Variants in EZH2 observed in about 807,000 individuals in gnomAD.
The protein encoded by EZH2 is histone-lysine N-methyltransferase EZH2.
A neutral mutation model predicts 98.4 loss-of-function variants in EZH2; 18 were observed. The ratio of observed to expected loss-of-function variants is 0.18; its 90% CI spans 0.13 to 0.27. The LOEUF (loss-of-function observed/expected upper bound fraction) is 0.27, where lower values mean the gene tolerates loss of function less well. EZH2 is among the 10% of genes least tolerant of loss of function. EZH2 has a pLI of 1.00. For synonymous variants in EZH2, 338 were observed against 312.3 expected (o/e 1.08, Z -0.87); for missense variants, 470 against 935.1 (o/e 0.50, Z 6.49).
intron 3 of EZH2, among the ~76,000 whole-genome samples, chr7:148,837,315 T>C (rs1392228253): frequency 6.6e-6 from 1 of 152,202 alleles, no homozygotes; most frequent in Non-Finnish European, 1.5e-5. Context: ...GTTGACATTG[T>C]CTAACATCCT....
At chr7:148,838,296 G>A (rs944516428) in intron 3 of EZH2, among the ~76,000 whole-genome samples, 4 of 151,932 alleles carry the variant, frequency 2.6e-5, no homozygotes, top group African/African-American at 9.7e-5. Context: ...AGGAAATTTA[G>A]ATCCTTAAAG....
chr7:148,848,314 GAC>G (rs1168406821), intron 1 of EZH2, among the ~76,000 whole-genome samples: 2 of 152,160 alleles, frequency 1.3e-5, no homozygotes, highest in African/African-American at 4.8e-5. Context: ...GACAAGGGGT[GAC>G]AGAGGCTTCT....
chr7:148,869,973 C>A (rs1020347537), intron 1 of EZH2, among the ~76,000 whole-genome samples: 1 of 152,206 alleles, frequency 6.6e-6, no homozygotes, highest in Non-Finnish European at 1.5e-5. Flanking sequence ...GTAATCCCTG[C>A]ACTCTGGGAG....
At chr7:148,842,883 T>G (rs186109805) in intron 3 of EZH2, among the ~76,000 whole-genome samples, 1 of 151,834 alleles carries the variant, frequency 6.6e-6, no homozygotes, top group Non-Finnish European at 1.5e-5. Context: ...CTGGAAAACA[T>G]GGTATGACCC....
At chr7:148,812,608 G>C in intron 15 of EZH2, among the ~76,000 whole-genome samples, 1 of 152,144 alleles carries the variant, frequency 6.6e-6, no homozygotes, top group East Asian at 1.9e-4. Flanking sequence ...ACATTTTTAA[G>C]AGTTAAAAAA....
chr7:148,831,696 G>C (rs962212534), intron 4 of EZH2, among the ~76,000 whole-genome samples: 2 of 152,196 alleles, frequency 1.3e-5, no homozygotes, highest in African/African-American at 4.8e-5. Flanking sequence ...AGTAACTGAA[G>C]TTGAGACTCT....
rs61753265 is a variant in EZH2, at chr7:148,818,121, C to T, written c.1000-4G>A. Reference sequence around the variant, plus strand: ...CAGCAAACTCCTTTGCTCCCTCCTACGAAATGAAAAATGTCAACATCAGGG... The same window carrying T: ...CAGCAAACTCCTTTGCTCCCTCCTATGAAATGAAAAATGTCAACATCAGGG... On this transcript the variant is annotated splice_region_variant and splice_polypyrimidine_tract_variant and intron_variant, in intron 9 of 19. Coordinates refer to ENST00000320356, the MANE Select transcript of EZH2 (RefSeq NM_004456.5). 93 of 1,543,462 alleles carry T rather than the reference C, an allele frequency of 6.0e-5. No individual in the cohort carries two copies. The highest frequency in any genetic ancestry group is 1.3e-4 in the Admixed American group (6 of 45,418).
chr7:148,883,154 G>A (rs1348265945), intron 1 of EZH2: 1 of 152,216 alleles, frequency 6.6e-6, no homozygotes, highest in Admixed American at 6.5e-5. Context: ...AAAACAGCTT[G>A]TAATGTTTAA....
chr7:148,879,935 T>C (rs1217091242), intron 1 of EZH2, among the ~76,000 whole-genome samples: 1 of 151,882 alleles, frequency 6.6e-6, no homozygotes, highest in Non-Finnish European at 1.5e-5. Flanking sequence ...CAGGATCCCA[T>C]CTCTACAAAA....
intron 15 of EZH2, among the ~76,000 whole-genome samples, chr7:148,812,844 C>A (rs959658127): frequency 6.6e-6 from 1 of 152,030 alleles, no homozygotes; most frequent in Non-Finnish European, 1.5e-5. Flanking sequence ...AGAAAAAAGT[C>A]AAAGCTAAAA....
intron 1 of EZH2, among the ~76,000 whole-genome samples, chr7:148,860,009 T>C (rs879171998): frequency 2.0e-5 from 3 of 152,026 alleles, no homozygotes; most frequent in African/African-American, 7.2e-5. Context: ...CAAGCCAAAT[T>C]TAAAAAAACT....
At chr7:148,842,257 T>A (rs890822505) in intron 3 of EZH2, among the ~76,000 whole-genome samples, 9 of 152,160 alleles carry the variant, frequency 5.9e-5, no homozygotes, top group Non-Finnish European at 7.3e-5. Flanking sequence ...ACACATACAG[T>A]AGAAAACATT....
intron 1 of EZH2, among the ~76,000 whole-genome samples, chr7:148,859,403 G>A (rs1184801667): frequency 2.0e-5 from 3 of 152,046 alleles, no homozygotes; most frequent in Non-Finnish European, 4.4e-5. Context: ...CTACTAAGGA[G>A]GCTGAGGCAT....
chr7:148,854,709 C>T (rs1585209512), intron 1 of EZH2, among the ~76,000 whole-genome samples: 1 of 152,304 alleles, frequency 6.6e-6, no homozygotes, highest in Non-Finnish European at 1.5e-5. Flanking sequence ...GTTTACTTCA[C>T]AGCAAGACTG....
chr7:148,815,671 C>A, intron 12 of EZH2, 125 bp from the exon 13 acceptor site: 1 of 826,012 alleles, frequency 1.2e-6, no homozygotes, highest in Non-Finnish European at 2.0e-6. Context: ...GAGTCATGCC[C>A]TGCCCAGTTT....
At chr7:148,861,669 TA>T (rs535380618) in intron 1 of EZH2, among the ~76,000 whole-genome samples, 1 of 151,952 alleles carries the variant, frequency 6.6e-6, no homozygotes, top group Non-Finnish European at 1.5e-5. Flanking sequence ...TATTTTCCTT[TA>T]AAAAAAATTA....
chr7:148,813,071 A>G lies in EZH2; in HGVS notation c.1851+888T>C, dbSNP rs879383609. On this transcript the variant is annotated intron_variant, in intron 15 of 19. Coordinates refer to ENST00000320356, the MANE Select transcript of EZH2 (RefSeq NM_004456.5). ...CCCACATACACACACACACACACAC[A>G]CACACACACACACAGAGCATAAGAG... Among the ~76,000 whole-genome samples, 573 of 152,102 alleles carry G rather than the reference A, an allele frequency of 3.8e-3. 5 individuals are homozygous for G. The highest frequency in any genetic ancestry group is 6.8e-3 in the Middle Eastern group (2 of 292).
Position 148,834,360 on chromosome 7 carries a change from C to CATATATATATATATAT in EZH2, c.247-1611_247-1610insATATATATATATATAT, listed in dbSNP as rs1482644901. The stretch of plus-strand genomic sequence containing the variant: ...CATTATATATATATATATACACACA[C>CATATATATATATATAT]ACACACACACACACACACACACATA... On this transcript the variant is annotated intron_variant, in intron 3 of 19. Coordinates refer to ENST00000320356, the MANE Select transcript of EZH2 (RefSeq NM_004456.5). 2.1e-3 allele frequency among the ~76,000 whole-genome samples: 265 copies of CATATATATATATATAT among 126,156 alleles called. 1 individual carries two copies. The highest frequency in any genetic ancestry group is 7.4e-3 in the African/African-American group (244 of 32,892). 82.8% of individuals were successfully genotyped at this position (126,156 alleles called of 152,430 possible).
chr7:148,839,638 G>C (rs958175332), intron 3 of EZH2, among the ~76,000 whole-genome samples: 1 of 151,592 alleles, frequency 6.6e-6, no homozygotes, highest in Non-Finnish European at 1.5e-5. Context: ...TCTGCCTCCT[G>C]GGTTCAAGGC....
Sources: allele counts gnomAD v4.1 joint callset (sites outside exome capture counted in the v4.1 genomes callset), GRCh38; gene constraint gnomAD v4.1.1; transcripts MANE v1.5; gene names NCBI Gene and HGNC (gene_info 2026-07-23, HGNC 2026-07-21).